Variants in SLC28A1 observed in about 807,000 individuals in gnomAD.
The protein encoded by SLC28A1 is sodium/nucleoside cotransporter 1.
Under a neutral mutation model 74.8 loss-of-function variants are expected in SLC28A1, and 64 were observed. That is an observed-to-expected ratio of 0.86 (90% CI 0.70 to 1.05). The LOEUF (loss-of-function observed/expected upper bound fraction) is 1.05. Among genes scored for constraint, SLC28A1 ranks in the 50% least tolerant of loss-of-function variants. The pLI is 0.00. For missense variants in SLC28A1, 828 were observed against 822.8 expected (o/e 1.01, Z -0.08); for synonymous variants, 359 against 335.0 (o/e 1.07, Z -0.78).
At chr15:84,943,119 C>T (rs934996532) in intron 15 of SLC28A1, among the ~76,000 whole-genome samples, 1 of 152,086 alleles carries the variant, frequency 6.6e-6, no homozygotes, top group Non-Finnish European at 1.5e-5. Context: ...CCAGGAGGCA[C>T]AGGTTGCAGT....
Position 84,890,435 on chromosome 15 carries a change from G to C in SLC28A1, c.186-8G>C, listed in dbSNP as rs367991245. Reference sequence around the variant, plus strand: ...TGCACTCATGGACCCTGCTGGTCTTGTTCCCAGGAGGAACCTGCAGCCAGC... The same window carrying C: ...TGCACTCATGGACCCTGCTGGTCTTCTTCCCAGGAGGAACCTGCAGCCAGC... On this transcript the variant is annotated splice_region_variant and splice_polypyrimidine_tract_variant and intron_variant, in intron 4 of 18. Coordinates refer to ENST00000394573, the MANE Select transcript of SLC28A1 (RefSeq NM_004213.5). 3.7e-6 allele frequency: 6 copies of C among 1,603,320 alleles called. No homozygotes were observed. Among genetic ancestry groups the C allele is most frequent in the Non-Finnish European group, 5.1e-6 (6 of 1,175,602 alleles).
chr15:84,968,555 G>T, the SLC28A1 span, among the ~76,000 whole-genome samples: 1 of 152,178 alleles, frequency 6.6e-6, no homozygotes, highest in East Asian at 1.9e-4. Flanking sequence ...GTCTTTTATG[G>T]CCTAGCCTTG....
At chr15:84,920,699 A>G (rs55646843) in intron 10 of SLC28A1, among the ~76,000 whole-genome samples, 45,408 of 123,548 alleles carry the variant, frequency 0.37, 7,715 homozygotes, top group Middle Eastern at 0.52. Context: ...GGTAATCTCC[A>G]AGGGGTGTGT....
intron 9 of SLC28A1, among the ~76,000 whole-genome samples, chr15:84,912,100 A>G (rs981867195): frequency 2.6e-5 from 4 of 152,172 alleles, no homozygotes; most frequent in African/African-American, 9.6e-5. Flanking sequence ...ATGCCAGGAA[A>G]GAGGAAGGAG....
intron 4 of SLC28A1, among the ~76,000 whole-genome samples, chr15:84,889,957 T>G (rs573170561): frequency 6.6e-6 from 1 of 151,636 alleles, no homozygotes; most frequent in South Asian, 2.1e-4. Context: ...TGCCTCAGCT[T>G]CTTGAGCAGC....
At chr15:84,973,351 T>G in the SLC28A1 span, among the ~76,000 whole-genome samples, 2 of 152,124 alleles carry the variant, frequency 1.3e-5, no homozygotes, top group Admixed American at 6.5e-5. Context: ...AAATTAAAAG[T>G]CCAAGCATAG....
chr15:84,934,989 A>G, intron 13 of SLC28A1, 37 bp from the exon 14 acceptor site: 1 of 1,594,878 alleles, frequency 6.3e-7, no homozygotes, highest in Non-Finnish European at 8.6e-7. Context: ...GGTTGTGGAG[A>G]CAGGCCAGTA....
At chr15:84,925,055 C>T (rs114685632) in intron 12 of SLC28A1, among the ~76,000 whole-genome samples, 4,678 of 148,654 alleles carry the variant, frequency 0.031, 221 homozygotes, top group African/African-American at 0.11. Context: ...CACGCCCCAC[C>T]GCGCCCAGCT....
chr15:84,921,430 G>C (rs78868417), intron 11 of SLC28A1, among the ~76,000 whole-genome samples: 4,027 of 152,258 alleles, frequency 0.026, 171 homozygotes, highest in African/African-American at 0.09. Context: ...TTCAAATCCA[G>C]GTTTTCTTCT....
At chr15:84,968,697 A>T in the SLC28A1 span, among the ~76,000 whole-genome samples, 2 of 152,224 alleles carry the variant, frequency 1.3e-5, no homozygotes, top group Non-Finnish European at 2.9e-5. Context: ...CAATGACCTA[A>T]TTGAGCTGTG....
the SLC28A1 span, among the ~76,000 whole-genome samples, chr15:84,954,651 C>T: frequency 2.0e-5 from 3 of 152,322 alleles, no homozygotes; most frequent in African/African-American, 7.2e-5. Flanking sequence ...AGGTTTTGAA[C>T]CCAGTTCTGT....
intron 15 of SLC28A1, among the ~76,000 whole-genome samples, chr15:84,942,496 A>G (rs1250887988): frequency 6.6e-6 from 1 of 152,212 alleles, no homozygotes; most frequent in African/African-American, 2.4e-5. Context: ...AAAGCAAATA[A>G]CTATTGTGTT....
chr15:84,928,590 C>T (rs1237434731), intron 12 of SLC28A1, among the ~76,000 whole-genome samples: 5 of 15,364 alleles, frequency 3.3e-4, no homozygotes, highest in African/African-American at 2.6e-3. Flanking sequence ...TTCTTTCTTT[C>T]TTTCTTTCTT....
downstream of SLC28A1, among the ~76,000 whole-genome samples, chr15:84,949,871 A>G (rs1333731103): frequency 2.4e-5 from 1 of 41,742 alleles, no homozygotes; most frequent in Non-Finnish European, 4.5e-5. Flanking sequence ...ACACAGCAGG[A>G]ATGGGGTGGG....
At position 84,886,203 on chromosome 15, in the gene SLC28A1, A is replaced by G. The variant is rs1038472941; in HGVS notation, c.-132-469A>G. ...GGTTTTGTTTTCTTGACAGACCTGA[A>G]ACACTTTTACTATTTCTCACAGCTA... On this transcript the variant is annotated intron_variant, in intron 1 of 18. Coordinates refer to ENST00000394573, the MANE Select transcript of SLC28A1 (RefSeq NM_004213.5). The G allele has an allele frequency of 4.1e-6, 4 of 985,226 alleles. No individual in the cohort carries two copies. The Admixed American group carries it at 1.8e-4, about 45-fold the overall frequency. 61.0% of individuals were successfully genotyped at this position (985,226 alleles called of 1,614,324 possible).
intron 3 of SLC28A1, 38 bp from the exon 4 acceptor site, chr15:84,888,734 A>T (rs1964906320): frequency 1.4e-6 from 2 of 1,470,168 alleles, no homozygotes; most frequent in Non-Finnish European, 1.9e-6. Context: ...GGGGTGGGTA[A>T]GGGGCAGGCC....
chr15:84,908,623 C>G (rs945903316), intron 8 of SLC28A1, 95 bp from the exon 9 acceptor site: 19 of 1,077,224 alleles, frequency 1.8e-5, no homozygotes, highest in Non-Finnish European at 2.7e-5. Context: ...GGACTACGTC[C>G]CTGGGCCAAC....
rs375042078 is a variant in SLC28A1, at chr15:84,888,840, G to A, written c.165G>A (p.Ala55=). Residue 55 remains alanine, a synonymous_variant, in exon 4 of 19, where the codon GCG becomes GCA. Transcript: ENST00000394573. Reference sequence around the variant, plus strand: ...TCAGGAGCAGCTGGAGCGAGGCGGCGCCGAAGCCCTTCTCCAGATGGTAGG... The same window carrying A: ...TCAGGAGCAGCTGGAGCGAGGCGGCACCGAAGCCCTTCTCCAGATGGTAGG... ...AEIRSSWSEA[A]PKPFSRWRNL... 122 of 1,552,710 alleles carry A rather than the reference G, an allele frequency of 7.9e-5. 2 individuals are homozygous for A. The South Asian group carries it at 1.2e-3, about 15-fold the overall frequency.
chr15:84,965,857 C>T, the SLC28A1 span, among the ~76,000 whole-genome samples: 1 of 145,472 alleles, frequency 6.9e-6, no homozygotes, highest in Non-Finnish European at 1.5e-5. Flanking sequence ...AAGCCACATA[C>T]TGAGGATCTC....
Sources: gnomAD v4.1 joint callset for allele counts (sites outside exome capture counted in the v4.1 genomes callset) on GRCh38, gnomAD v4.1.1 for gene constraint, MANE v1.5 for transcripts, NCBI Gene and HGNC (gene_info 2026-07-23, HGNC 2026-07-21) for gene names.